Variants in PPARA observed in about 807,000 individuals in gnomAD.
PPARA encodes the protein peroxisome proliferator-activated receptor alpha.
PPARA carries 22 observed loss-of-function variants against 42.2 expected under a neutral mutation model. The ratio of observed to expected loss-of-function variants is 0.52; its 90% CI spans 0.37 to 0.74. The LOEUF (loss-of-function observed/expected upper bound fraction) is 0.74, where lower values mean the gene tolerates loss of function less well. Ranked by LOEUF, PPARA falls within the 30% of genes least tolerant of loss-of-function variation. The pLI is 0.00. For synonymous variants in PPARA, 242 were observed against 239.3 expected, an observed-to-expected ratio of 1.01 and a Z score of -0.10; for missense variants, 465 against 608.2, an observed-to-expected ratio of 0.76 and a Z score of 2.48.
At chr22:46,214,922 G>A (rs1246854084) in intron 4 of PPARA, among the ~76,000 whole-genome samples, 1 of 152,118 alleles carries the variant, frequency 6.6e-6, no homozygotes, top group African/African-American at 2.4e-5. Flanking sequence ...TGAGGTGTGT[G>A]GGTCCGGAGC....
chr22:46,198,761 C>T (rs1001039697), intron 4 of PPARA, among the ~76,000 whole-genome samples, 170 bp downstream of exon 4: 1 of 149,770 alleles, frequency 6.7e-6, no homozygotes, highest in Non-Finnish European at 1.5e-5. Flanking sequence ...CCTGGGTTCA[C>T]ACCATTCTCC....
chr22:46,152,836 A>G (rs1924648725), intron 2 of PPARA, among the ~76,000 whole-genome samples: 1 of 152,178 alleles, frequency 6.6e-6, no homozygotes, highest in African/African-American at 2.4e-5. Context: ...CTGTAATCCC[A>G]GCACTTTGGA....
chr22:46,157,043 A>G (rs1925403850), intron 2 of PPARA, among the ~76,000 whole-genome samples: 2 of 152,002 alleles, frequency 1.3e-5, no homozygotes, highest in South Asian at 2.1e-4. Context: ...GGCCCAGTGA[A>G]TCTCCCCATG....
rs1328624461 is a variant in PPARA, at chr22:46,171,642, T to TG, written c.-126-5110dup. The stretch of plus-strand genomic sequence containing the variant: ...AGCAGACATCAGGATGGGAGCATCC[T>TG]GACAGGGAGGGCAGCAGGGTGGGCT... On this transcript the variant is annotated intron_variant, in intron 2 of 8. Transcript: ENST00000407236. The surrounding 1 kb of genome is among the most constrained non-coding windows in gnomAD (Gnocchi z 5.0). 1 of 152,994 alleles carries TG rather than the reference T, an allele frequency of 6.5e-6. No individual in the cohort carries two copies. Among genetic ancestry groups the TG allele is most frequent in the African/African-American group, 2.4e-5 (1 of 41,438 alleles). 9.5% of individuals were successfully genotyped at this position (152,994 alleles called of 1,614,324 possible). A position where few individuals can be genotyped will look rare whatever the true frequency, so the allele number is the denominator to read the frequency against.
rs912290115 is a variant in PPARA, at chr22:46,173,872, C to T, written c.-126-2881C>T. On this transcript the variant is annotated intron_variant, in intron 2 of 8. Coordinates refer to ENST00000407236, the MANE Select transcript of PPARA (RefSeq NM_005036.6). This position sits in a 1 kb window ranked among gnomAD's most constrained non-coding sequence, Gnocchi z 4.3. The stretch of plus-strand genomic sequence containing the variant: ...GAGGCATGCAACTCACCCTCAAATA[C>T]ACACACACATACACATATATACATA... 2.0e-5 allele frequency among the ~76,000 whole-genome samples: 3 copies of T among 151,902 alleles called. No individual in the cohort carries two copies. Among genetic ancestry groups the T allele is most frequent in the African/African-American group, 4.9e-5 (2 of 41,222 alleles).
At chr22:46,172,683 G>A (rs1339671554) in intron 2 of PPARA, among the ~76,000 whole-genome samples, 1 of 152,194 alleles carries the variant, frequency 6.6e-6, no homozygotes, top group African/African-American at 2.4e-5. Flanking sequence ...ACAGCCATAA[G>A]CCGTAACTTT....
At chr22:46,185,964 T>C (rs201396131) in intron 3 of PPARA, among the ~76,000 whole-genome samples, 4,659 of 25,744 alleles carry the variant, frequency 0.18, 637 homozygotes, top group Admixed American at 0.29. Flanking sequence ...TATATATATA[T>C]ACACACACAC....
At chr22:46,198,849 C>T (rs933526303) in intron 4 of PPARA, among the ~76,000 whole-genome samples, 11 of 151,810 alleles carry the variant, frequency 7.2e-5, no homozygotes, top group Non-Finnish European at 1.6e-4. Context: ...TTAATAGAGA[C>T]GGGGTTTCAC....
chr22:46,155,145 A>G (rs1440851073), intron 2 of PPARA: 1 of 151,902 alleles, frequency 6.6e-6, no homozygotes, highest in African/African-American at 2.4e-5. Flanking sequence ...TTTAATGGCA[A>G]ATAGGATGAG....
rs192658906 is a variant in PPARA at position 46,179,879 on chromosome 22, C to T, written c.-43+3043C>T. Among the ~76,000 whole-genome samples, 166 of 152,120 alleles carry T rather than the reference C, an allele frequency of 1.1e-3. 1 individual carries two copies. The highest frequency in any genetic ancestry group is 3.4e-3 in the Middle Eastern group (1 of 294). On this transcript the variant is annotated intron_variant, in intron 3 of 8. Transcript: ENST00000407236. ...CAAAACTCACCTAGAAGAAAATAACCCAGTTTTAAAAATGGGCAAGAGATC... is the reference window on the plus strand; with the variant it reads ...CAAAACTCACCTAGAAGAAAATAACTCAGTTTTAAAAATGGGCAAGAGATC...
At position 46,193,752 on chromosome 22, in the gene PPARA, C is replaced by T. The variant is rs1189465553; in HGVS notation, c.-42-4590C>T. Among the ~76,000 whole-genome samples the T allele has an allele frequency of 6.6e-6, 1 of 152,204 alleles. No homozygotes were observed. The highest frequency in any genetic ancestry group is 1.5e-5 in the Non-Finnish European group (1 of 68,030). On this transcript the variant is annotated intron_variant, in intron 3 of 8. Coordinates refer to ENST00000407236, the MANE Select transcript of PPARA (RefSeq NM_005036.6). The surrounding 1 kb of genome is among the most constrained non-coding windows in gnomAD (Gnocchi z 5.3). ...CTACCTTTTCCCAACACCCTATCCA[C>T]CTGTCCCTCACCTCTCAGCTTTTGT...
chr22:46,207,674 ATTATT>A (rs1412304111), intron 4 of PPARA, among the ~76,000 whole-genome samples: 4 of 61,698 alleles, frequency 6.5e-5, no homozygotes, highest in African/African-American at 2.7e-4. Context: ...TATTATTATT[ATTATT>A]TTTTTTTTTT....
chr22:46,238,902 T>C lies in PPARA; in HGVS notation c.*3522T>C, dbSNP rs1046497868. The C allele has an allele frequency of 6.6e-6, 1 of 152,512 alleles. No homozygotes were observed. The highest frequency in any genetic ancestry group is 1.9e-4 in the East Asian group (1 of 5,210). 9.4% of individuals were successfully genotyped at this position (152,512 alleles called of 1,614,324 possible). On this transcript the variant is annotated 3_prime_UTR_variant, in exon 9 of 9. Transcript: ENST00000407236. This position sits in a 1 kb window ranked among gnomAD's most constrained non-coding sequence, Gnocchi z 8.3. ...CCAGTTACAGCGGCAGGAGCGGGAC[T>C]GGGAGCACGGGCTGACGGCTGCTGG...
intron 7 of PPARA, among the ~76,000 whole-genome samples, chr22:46,223,206 A>G (rs1935135552): frequency 6.6e-6 from 1 of 152,076 alleles, no homozygotes; most frequent in South Asian, 2.1e-4. Flanking sequence ...ACCTGCCCCC[A>G]CCATGGGGTG....
At position 46,241,333 on chromosome 22, in the gene PPARA, A is replaced by G. The variant is rs1035748358; in HGVS notation, c.*5953A>G. The G allele has an allele frequency of 2.0e-5, 3 of 152,254 alleles. No homozygotes were observed. Among genetic ancestry groups the G allele is most frequent in the Non-Finnish European group, 4.4e-5 (3 of 68,034 alleles). The allele number at this position is 152,254 out of a possible 1,614,324, so 9.4% of individuals were successfully genotyped here. A position where few individuals can be genotyped will look rare whatever the true frequency, so the allele number is the denominator to read the frequency against. The stretch of plus-strand genomic sequence containing the variant: ...GTCTGACTCAGAATATAGGAGATCC[A>G]TATATTTCTCTGGAAACCACAGTGT... On this transcript the variant is annotated 3_prime_UTR_variant, in exon 9 of 9. Coordinates refer to ENST00000407236, the MANE Select transcript of PPARA (RefSeq NM_005036.6). This position sits in a 1 kb window ranked among gnomAD's most constrained non-coding sequence, Gnocchi z 5.7.
intron 2 of PPARA, among the ~76,000 whole-genome samples, chr22:46,152,704 AGAT>A (rs1198828990): frequency 1.3e-5 from 2 of 152,178 alleles, no homozygotes; most frequent in African/African-American, 4.8e-5. Context: ...GAAACGGGCC[AGAT>A]GATACAAATT....
chr22:46,178,755 C>A (rs1929532480), intron 3 of PPARA, among the ~76,000 whole-genome samples: 1 of 152,032 alleles, frequency 6.6e-6, no homozygotes, highest in Non-Finnish European at 1.5e-5. Flanking sequence ...TCACGCAGGG[C>A]CAGGAACAGT....
chr22:46,202,511 T>C, intron 4 of PPARA, among the ~76,000 whole-genome samples: 1 of 151,426 alleles, frequency 6.6e-6, no homozygotes, highest in Admixed American at 6.6e-5. Context: ...TCGAGGCGGG[T>C]GGATCACCTG....
rs567215787 is a variant in PPARA, at chr22:46,222,406, G to A, written c.711+2392G>A. Among the ~76,000 whole-genome samples the A allele has an allele frequency of 3.3e-5, 5 of 152,262 alleles. No individual in the cohort carries two copies. The East Asian group carries it at 7.7e-4, about 23-fold the overall frequency. ...CAATCCTTATTGGGAATTACAAGGT[G>A]GAATTTTAGTCACAGGAAAATAAAG... On this transcript the variant is annotated intron_variant, in intron 7 of 8. Transcript: ENST00000407236. The surrounding 1 kb of genome is among the most constrained non-coding windows in gnomAD (Gnocchi z 5.9).
Sources: allele counts gnomAD v4.1 joint callset (sites outside exome capture counted in the v4.1 genomes callset), GRCh38; gene constraint gnomAD v4.1.1; non-coding constraint Gnocchi (gnomAD v3.1); transcripts MANE v1.5; gene names NCBI Gene and HGNC (gene_info 2026-07-23, HGNC 2026-07-21).